The following SHISA9 variants were observed in gnomAD, a reference collection of about 807,000 sequenced individuals.
The protein encoded by SHISA9 is protein shisa-9.
In SHISA9, 13 loss-of-function variants were observed where a neutral mutation model predicts 38.0. The ratio of observed to expected loss-of-function variants is 0.34; its 90% CI spans 0.22 to 0.54. The LOEUF is 0.54. Ranked by LOEUF, SHISA9 falls within the 20% of genes least tolerant of loss-of-function variation. SHISA9 has a pLI of 0.91. For missense variants in SHISA9, 538 were observed against 575.8 expected, an observed-to-expected ratio of 0.93 and a Z score of 0.67; for synonymous variants, 275 against 242.0, an observed-to-expected ratio of 1.14 and a Z score of -1.27.
rs2073082916 is a variant in SHISA9 at position 13,037,127 on chromosome 16, C to CAG, written c.691+120313_691+120314insGA. ...ACACACAGACACACACACACACACA[C>CAG]ACACACACACACACACACACACACA... On this transcript the variant is annotated intron_variant, in intron 2 of 4. Transcript: ENST00000558583. 2.0e-5 allele frequency among the ~76,000 whole-genome samples: 3 copies of CAG among 147,600 alleles called. No individual in the cohort carries two copies. The East Asian group carries it at 6.0e-4, about 29-fold the overall frequency.
chr16:13,361,679 T>C, the SHISA9 span, among the ~76,000 whole-genome samples: 1 of 152,242 alleles, frequency 6.6e-6, no homozygotes, highest in Non-Finnish European at 1.5e-5. Flanking sequence ...ACTCATGTGC[T>C]GTTCCACCTG....
the SHISA9 span, among the ~76,000 whole-genome samples, chr16:13,444,576 T>C: frequency 2.6e-5 from 4 of 152,118 alleles, no homozygotes; most frequent in African/African-American, 9.7e-5. Context: ...TATCTACTAG[T>C]CTTGATTGTC....
the SHISA9 span, among the ~76,000 whole-genome samples, chr16:13,401,060 G>A: frequency 6.6e-6 from 1 of 152,166 alleles, no homozygotes; most frequent in Non-Finnish European, 1.5e-5. Flanking sequence ...CCCACCCACA[G>A]ACTCTGATCC....
the SHISA9 span, among the ~76,000 whole-genome samples, chr16:13,432,899 C>T: frequency 6.6e-6 from 1 of 151,908 alleles, no homozygotes; most frequent in Non-Finnish European, 1.5e-5. Flanking sequence ...TAACAACATA[C>T]CCTGGGGTCT....
At chr16:13,433,820 G>T in the SHISA9 span, among the ~76,000 whole-genome samples, 262 of 152,266 alleles carry the variant, frequency 1.7e-3, no homozygotes, top group African/African-American at 5.9e-3. Context: ...AGGCAGCCCT[G>T]GTGTGCTTTG....
chr16:13,265,622 C>T, the SHISA9 span, among the ~76,000 whole-genome samples: 1 of 138,218 alleles, frequency 7.2e-6, no homozygotes, highest in African/African-American at 2.6e-5. Context: ...CTCCTTTTCT[C>T]TCCTCTTCTC....
chr16:13,005,485 C>A (rs2072586972), intron 2 of SHISA9, among the ~76,000 whole-genome samples: 1 of 152,134 alleles, frequency 6.6e-6, no homozygotes, highest in South Asian at 2.1e-4. Flanking sequence ...AAGTAATTTG[C>A]TCAAGGTCAC....
intron 2 of SHISA9, among the ~76,000 whole-genome samples, chr16:12,978,082 A>G (rs2141820033): frequency 6.6e-6 from 1 of 152,358 alleles, no homozygotes; most frequent in South Asian, 2.1e-4. Context: ...TGGTGCAAAG[A>G]CAGGCAAGAG....
chr16:13,541,928 A>G, the SHISA9 span, among the ~76,000 whole-genome samples: 15 of 152,350 alleles, frequency 9.8e-5, no homozygotes, highest in African/African-American at 3.4e-4. Flanking sequence ...ATGTCCAGCC[A>G]AGACCTCAGA....
At chr16:13,214,316 T>C (rs1567251447) in intron 4 of SHISA9, among the ~76,000 whole-genome samples, 1 of 152,176 alleles carries the variant, frequency 6.6e-6, no homozygotes, top group East Asian at 1.9e-4. Flanking sequence ...ATTCTCCTGC[T>C]TCAGCCTTCT....
chr16:13,114,118 C>G (rs2074006340), intron 2 of SHISA9, among the ~76,000 whole-genome samples: 3 of 152,118 alleles, frequency 2.0e-5, no homozygotes, highest in Non-Finnish European at 2.9e-5. Context: ...AAGGCTCCCC[C>G]ACTGCCAGTT....
At chr16:12,971,442 C>G (rs2072080901) in intron 2 of SHISA9, among the ~76,000 whole-genome samples, 2 of 152,204 alleles carry the variant, frequency 1.3e-5, no homozygotes, top group Admixed American at 6.5e-5. Flanking sequence ...GCTGCCCAGT[C>G]TTGAATGGGA....
At chr16:12,948,616 G>T (rs1359879939) in intron 2 of SHISA9, among the ~76,000 whole-genome samples, 1 of 152,192 alleles carries the variant, frequency 6.6e-6, no homozygotes, top group Non-Finnish European at 1.5e-5. Context: ...GTGACTTCTT[G>T]TGTCCTCACA....
chr16:13,440,634 A>G, the SHISA9 span, among the ~76,000 whole-genome samples: 1 of 152,222 alleles, frequency 6.6e-6, no homozygotes, highest in African/African-American at 2.4e-5. Flanking sequence ...TTGATTAAAA[A>G]AGGGACATTG....
the SHISA9 span, among the ~76,000 whole-genome samples, chr16:13,457,149 A>T: frequency 6.6e-6 from 1 of 152,214 alleles, no homozygotes; most frequent in Admixed American, 6.5e-5. Flanking sequence ...TCTACTAAAA[A>T]TACAAAATTA....
Position 13,235,183 on chromosome 16 carries a change from C to G in SHISA9, c.1049C>G (p.Ser350Cys). 6.4e-7 allele frequency: 1 copy of G among 1,551,774 alleles called. No homozygotes were observed. The highest frequency in any genetic ancestry group is 2.4e-5 in the East Asian group (1 of 40,900). ...CCTGCCAAGCAGAATGGACAGAAGT[C>G]CCGCACCAACAAGATGCCCCCACAT... ...HGPAKQNGQK[S>C]RTNKMPPHPL... Residue 350 changes from serine (S) to cysteine (C), a missense_variant, in exon 5 of 5, where the codon TCC becomes TGC. By Grantham distance (112) the Ser-to-Cys change is moderately radical. Coordinates refer to ENST00000558583, the MANE Select transcript of SHISA9 (RefSeq NM_001145204.3).
intron 2 of SHISA9, among the ~76,000 whole-genome samples, chr16:13,024,340 G>A (rs1416045818): frequency 6.6e-6 from 1 of 152,232 alleles, no homozygotes; most frequent in Non-Finnish European, 1.5e-5. Flanking sequence ...CCAACAGCCT[G>A]GTGCTCACCT....
the SHISA9 span, chr16:13,562,606 G>A: frequency 6.7e-6 from 1 of 149,748 alleles, no homozygotes; most frequent in African/African-American, 2.5e-5. Context: ...CTCCAGCCTG[G>A]GTGACAGAGC....
At chr16:13,084,559 C>A (rs181941071) in intron 2 of SHISA9, among the ~76,000 whole-genome samples, 1 of 152,298 alleles carries the variant, frequency 6.6e-6, no homozygotes, top group East Asian at 1.9e-4. Context: ...GCACTGCACA[C>A]TCCAGACAGG....
Sources: gnomAD v4.1 joint callset for allele counts (sites outside exome capture counted in the v4.1 genomes callset) on GRCh38, gnomAD v4.1.1 for gene constraint, MANE v1.5 for transcripts, NCBI Gene and HGNC (gene_info 2026-07-23, HGNC 2026-07-21) for gene names.